Variants in PRKCQ observed in about 807,000 individuals in gnomAD.
PRKCQ encodes protein kinase C theta.
Under a neutral mutation model 91.2 loss-of-function variants are expected in PRKCQ, and 41 were observed. That is an observed-to-expected ratio of 0.45 (90% CI 0.35 to 0.58). The LOEUF (loss-of-function observed/expected upper bound fraction) is 0.58, where lower values mean the gene tolerates loss of function less well. PRKCQ is among the 20% of genes least tolerant of loss of function. The pLI is 0.00. For synonymous variants in PRKCQ, 307 were observed against 316.9 expected, an observed-to-expected ratio of 0.97 and a Z score of 0.33; for missense variants, 673 against 896.5, an observed-to-expected ratio of 0.75 and a Z score of 3.18.
At chr10:6,475,458 C>G (rs940715082) in intron 12 of PRKCQ, among the ~76,000 whole-genome samples, 1 of 152,174 alleles carries the variant, frequency 6.6e-6, no homozygotes, top group African/African-American at 2.4e-5. Context: ...CATCTAGGAA[C>G]TTTAAAAACT....
chr10:6,482,001 T>A (rs887819318), intron 11 of PRKCQ, among the ~76,000 whole-genome samples: 2 of 151,814 alleles, frequency 1.3e-5, no homozygotes, highest in African/African-American at 4.8e-5. Context: ...CTCCCCTTTT[T>A]TTTTTTTTTG....
At chr10:6,563,210 A>G (rs1840701079) in intron 1 of PRKCQ, among the ~76,000 whole-genome samples, 1 of 152,026 alleles carries the variant, frequency 6.6e-6, no homozygotes, top group African/African-American at 2.4e-5. Flanking sequence ...TCAGAGCGTA[A>G]GTCTCACAGT....
chr10:6,418,558 C>T, the PRKCQ span, among the ~76,000 whole-genome samples: 2 of 152,160 alleles, frequency 1.3e-5, no homozygotes, highest in Non-Finnish European at 2.9e-5. Context: ...CTCACCCGAC[C>T]CCTGGCATTC....
At chr10:6,431,488 T>C (rs896806785) in intron 16 of PRKCQ, among the ~76,000 whole-genome samples, 1 of 151,896 alleles carries the variant, frequency 6.6e-6, no homozygotes, top group Non-Finnish European at 1.5e-5. Context: ...GCACACCCAC[T>C]AAAACACAAA....
chr10:6,498,501 C>T lies in PRKCQ; in HGVS notation c.437G>A (p.Arg146Gln), dbSNP rs1358682132. ...TEGFFALHQR[R>Q]GAIKQAKVHH... The stretch of plus-strand genomic sequence containing the variant: ...GACCTTTGCCTGCTTGATGGCACCC[C>T]GGCGCTGATGCAAAGCAAAGAAGCC... Residue 146 changes from arginine to glutamine, a missense_variant, in exon 5 of 18, where the codon CGG becomes CAG. Physicochemically the swap from Arg to Gln is conservative, Grantham distance 43. Transcript: ENST00000263125. The T allele has an allele frequency of 1.2e-6, 2 of 1,614,132 alleles. No individual in the cohort carries two copies. Among genetic ancestry groups the T allele is most frequent in the Admixed American group, 1.7e-5 (1 of 60,016 alleles).
downstream of PRKCQ, among the ~76,000 whole-genome samples, chr10:6,424,448 C>G (rs1462967700): frequency 6.6e-6 from 1 of 152,190 alleles, no homozygotes; most frequent in Non-Finnish European, 1.5e-5. Context: ...CTTCCGCAGT[C>G]CGATGACCAT....
the PRKCQ span, among the ~76,000 whole-genome samples, chr10:6,396,131 A>G: frequency 6.6e-6 from 1 of 152,192 alleles, no homozygotes; most frequent in African/African-American, 2.4e-5. Context: ...ATAGTTAAAT[A>G]GATAATAAAT....
chr10:6,526,085 G>A (rs1839187152), intron 1 of PRKCQ, among the ~76,000 whole-genome samples: 1 of 152,192 alleles, frequency 6.6e-6, no homozygotes, highest in African/African-American at 2.4e-5. Flanking sequence ...ACAATGCCCA[G>A]CACATAGTAA....
At chr10:6,563,040 G>A (rs183610990) in intron 1 of PRKCQ, among the ~76,000 whole-genome samples, 2 of 152,072 alleles carry the variant, frequency 1.3e-5, no homozygotes, top group South Asian at 2.1e-4. Flanking sequence ...GGCTTCCTTG[G>A]TTGGCTCTCA....
At chr10:6,410,054 C>T in the PRKCQ span, among the ~76,000 whole-genome samples, 5 of 152,242 alleles carry the variant, frequency 3.3e-5, no homozygotes, top group East Asian at 9.6e-4. Context: ...TGCAAGTCAG[C>T]CCTTTTACCC....
At chr10:6,485,732 C>T (rs982368727) in intron 9 of PRKCQ, among the ~76,000 whole-genome samples, 10 of 152,072 alleles carry the variant, frequency 6.6e-5, no homozygotes, top group African/African-American at 2.4e-4. Flanking sequence ...TTCTATAACC[C>T]GAATATATTC....
rs11813538 is a variant in PRKCQ, at chr10:6,556,118, C to T, written c.-10+24093G>A. Among the ~76,000 whole-genome samples the T allele has an allele frequency of 7.8e-3, 1,192 of 152,134 alleles. 10 individuals carry two copies. The highest frequency in any genetic ancestry group is 0.027 in the African/African-American group (1,122 of 41,490). ...AGAATAACTTATTCCTTTTTCTTAT[C>T]CCATGATTAATGCTTTAAAAGCAAC... On this transcript the variant is annotated intron_variant, in intron 1 of 17. Coordinates refer to ENST00000263125, the MANE Select transcript of PRKCQ (RefSeq NM_006257.5).
rs1833362384 is a variant in PRKCQ at position 6,430,646 on chromosome 10, AGCCCAGTAACATGT to A, written c.1965+150_1965+163del. Among the ~76,000 whole-genome samples the A allele has an allele frequency of 1.3e-5, 2 of 152,206 alleles. No homozygotes were observed. The highest frequency in any genetic ancestry group is 1.3e-4 in the Admixed American group (2 of 15,278). On this transcript the variant is annotated intron_variant, in intron 17 of 17. Coordinates refer to ENST00000263125, the MANE Select transcript of PRKCQ (RefSeq NM_006257.5). The surrounding 1 kb of genome is among the most constrained non-coding windows in gnomAD (Gnocchi z 4.7). ...AGTGACCTCCCCTCCCTGCCCCACC[AGCCCAGTAACATGT>A]GTTAGAGACGTGCATTCCTCCTGGA...
chr10:6,489,664 G>GGACCCGGGAGTGTCAGA (rs1217221511), intron 8 of PRKCQ, among the ~76,000 whole-genome samples: 1 of 151,956 alleles, frequency 6.6e-6, no homozygotes, highest in African/African-American at 2.4e-5. Flanking sequence ...GGAGGGGCAG[G>GGACCCGGGAGTGTCAGA]GACCCGGGAG....
chr10:6,493,836 C>T (rs756720769), intron 7 of PRKCQ, among the ~76,000 whole-genome samples: 8 of 152,178 alleles, frequency 5.3e-5, no homozygotes, highest in South Asian at 4.1e-4. Flanking sequence ...GCAGAATCAC[C>T]GGTTAGCACA....
At chr10:6,543,428 G>A (rs766821800) in intron 1 of PRKCQ, among the ~76,000 whole-genome samples, 3 of 151,976 alleles carry the variant, frequency 2.0e-5, no homozygotes, top group Non-Finnish European at 4.4e-5. Context: ...GAAAGGTGGC[G>A]TTGGGGAAAA....
At chr10:6,444,795 G>A (rs779654499) in intron 15 of PRKCQ, among the ~76,000 whole-genome samples, 1 of 151,904 alleles carries the variant, frequency 6.6e-6, no homozygotes, top group Non-Finnish European at 1.5e-5. Flanking sequence ...TTCTCTAATG[G>A]GCCTTTGGAA....
chr10:6,519,518 T>C (rs940873406), intron 1 of PRKCQ, among the ~76,000 whole-genome samples: 4 of 152,224 alleles, frequency 2.6e-5, no homozygotes, highest in South Asian at 2.1e-4. Flanking sequence ...CAGGCGAAGT[T>C]TGAGACTCTT....
chr10:6,470,614 G>C lies in PRKCQ; in HGVS notation c.1354-6210C>G, dbSNP rs181985010. ...TTCCTGAAGTGACAGAAGTTTTAAG[G>C]GGGAGAGACAAGGAGATGGAGAAGA... On this transcript the variant is annotated intron_variant, in intron 12 of 17. Coordinates refer to ENST00000263125, the MANE Select transcript of PRKCQ (RefSeq NM_006257.5). Among the ~76,000 whole-genome samples, 8 of 152,286 alleles carry C rather than the reference G, an allele frequency of 5.3e-5. No homozygotes were observed. In the East Asian group the frequency reaches 1.3e-3, roughly 26 times the overall value.
Sources: gnomAD v4.1 joint callset for allele counts (sites outside exome capture counted in the v4.1 genomes callset) on GRCh38, gnomAD v4.1.1 for gene constraint, Gnocchi (gnomAD v3.1) non-coding constraint, MANE v1.5 for transcripts, NCBI Gene and HGNC (gene_info 2026-07-23, HGNC 2026-07-21) for gene names.